The following KHDRBS2 variants were observed in gnomAD, a reference collection of about 807,000 sequenced individuals.
KHDRBS2 encodes the protein KH domain-containing, RNA-binding, signal transduction-associated protein 2.
A neutral mutation model predicts 44.3 loss-of-function variants in KHDRBS2; 26 were observed. That is an observed-to-expected ratio of 0.59 (90% confidence interval 0.43 to 0.81). KHDRBS2 has a LOEUF of 0.81. KHDRBS2 is among the 40% of genes least tolerant of loss of function. KHDRBS2 has a pLI of 0.00. For synonymous variants in KHDRBS2, 194 were observed against 151.1 expected (o/e 1.28, Z -2.08); for missense variants, 476 against 433.1 (o/e 1.10, Z -0.88).
At chr6:61,567,849 A>G in the KHDRBS2 span, among the ~76,000 whole-genome samples, 1 of 152,156 alleles carries the variant, frequency 6.6e-6, no homozygotes, top group South Asian at 2.1e-4. Flanking sequence ...ATACATTAAT[A>G]TAGTAGCCTT....
chr6:61,867,871 C>G (rs1042571978), intron 6 of KHDRBS2, among the ~76,000 whole-genome samples: 2 of 152,124 alleles, frequency 1.3e-5, no homozygotes, highest in Non-Finnish European at 2.9e-5. Flanking sequence ...CCAAACGTAC[C>G]TGTAGGAGGT....
At chr6:61,765,521 T>C (rs1388024144) in intron 6 of KHDRBS2, among the ~76,000 whole-genome samples, 1 of 152,152 alleles carries the variant, frequency 6.6e-6, no homozygotes, top group Non-Finnish European at 1.5e-5. Context: ...TTTTTATTTT[T>C]AATTTTTATG....
chr6:62,206,279 C>T (rs776237439), intron 1 of KHDRBS2, among the ~76,000 whole-genome samples: 15 of 152,046 alleles, frequency 9.9e-5, no homozygotes, highest in Non-Finnish European at 8.8e-5. Flanking sequence ...AATGTTTATG[C>T]ACAAACAGGT....
At chr6:61,702,612 A>C (rs1306673964) in intron 7 of KHDRBS2, among the ~76,000 whole-genome samples, 1 of 151,990 alleles carries the variant, frequency 6.6e-6, no homozygotes, top group Non-Finnish European at 1.5e-5. Flanking sequence ...GTATTTGAAC[A>C]TGAATAATCT....
intron 3 of KHDRBS2, among the ~76,000 whole-genome samples, chr6:62,015,289 G>A (rs879797570): frequency 6.6e-6 from 1 of 152,070 alleles, no homozygotes; most frequent in Non-Finnish European, 1.5e-5. Flanking sequence ...AGACACTGAA[G>A]TCTAATAATG....
At chr6:62,206,996 A>ATG (rs1299801396) in intron 1 of KHDRBS2, among the ~76,000 whole-genome samples, 1 of 152,096 alleles carries the variant, frequency 6.6e-6, no homozygotes, top group Non-Finnish European at 1.5e-5. Flanking sequence ...ATGCCTGCAG[A>ATG]TGTGTGTGTG....
intron 2 of KHDRBS2, among the ~76,000 whole-genome samples, chr6:62,165,399 A>G (rs1371987852): frequency 6.6e-6 from 1 of 150,756 alleles, no homozygotes; most frequent in African/African-American, 2.4e-5. Context: ...CACTTTTTCA[A>G]TAAATTATTT....
At chr6:61,637,064 G>C in the KHDRBS2 span, among the ~76,000 whole-genome samples, 1 of 151,766 alleles carries the variant, frequency 6.6e-6, no homozygotes, top group Non-Finnish European at 1.5e-5. Flanking sequence ...TTAAGTTGTA[G>C]GGTACATGTG....
chr6:61,955,196 A>G (rs1766415404), intron 4 of KHDRBS2, among the ~76,000 whole-genome samples: 1 of 145,290 alleles, frequency 6.9e-6, no homozygotes, highest in Non-Finnish European at 1.5e-5. Flanking sequence ...GTTTGTATGT[A>G]TACATATATA....
chr6:61,931,113 GA>G (rs558416043), intron 4 of KHDRBS2, among the ~76,000 whole-genome samples: 210 of 151,658 alleles, frequency 1.4e-3, no homozygotes, highest in African/African-American at 4.9e-3. Flanking sequence ...TCCTTATAAT[GA>G]AAAAAATACT....
chr6:61,679,685 CTGA>C (rs1300100681), downstream of KHDRBS2, among the ~76,000 whole-genome samples: 1 of 151,914 alleles, frequency 6.6e-6, no homozygotes, highest in Admixed American at 6.6e-5. Context: ...GCCAGTGACA[CTGA>C]TGATTTGTTT....
At chr6:62,097,478 A>C (rs1325824085) in intron 2 of KHDRBS2, among the ~76,000 whole-genome samples, 1 of 152,068 alleles carries the variant, frequency 6.6e-6, no homozygotes, top group South Asian at 2.1e-4. Context: ...TTATCTTTGT[A>C]GAATGACCTT....
chr6:62,059,430 T>G (rs1199231208), intron 2 of KHDRBS2, among the ~76,000 whole-genome samples: 1 of 151,260 alleles, frequency 6.6e-6, no homozygotes, highest in Non-Finnish European at 1.5e-5. Flanking sequence ...AGCAGAATGA[T>G]GACAACAGAA....
At chr6:61,844,169 A>C (rs1794029634) in intron 6 of KHDRBS2, among the ~76,000 whole-genome samples, 1 of 152,158 alleles carries the variant, frequency 6.6e-6, no homozygotes, top group East Asian at 1.9e-4. Flanking sequence ...TAAAGGCCTC[A>C]AATTACCATA....
chr6:62,027,358 A>G (rs1242180901), intron 3 of KHDRBS2, among the ~76,000 whole-genome samples: 1 of 152,150 alleles, frequency 6.6e-6, no homozygotes, highest in Non-Finnish European at 1.5e-5. Flanking sequence ...ATAGTAAGAA[A>G]TATATATTTG....
chr6:61,653,705 C>G, the KHDRBS2 span, among the ~76,000 whole-genome samples: 1 of 151,882 alleles, frequency 6.6e-6, no homozygotes, highest in African/African-American at 2.4e-5. Context: ...CAATGCTTCC[C>G]AGACAGTGAC....
At chr6:61,742,197 A>C (rs573750589) in intron 6 of KHDRBS2, among the ~76,000 whole-genome samples, 2 of 152,104 alleles carry the variant, frequency 1.3e-5, no homozygotes, top group Admixed American at 1.3e-4. Flanking sequence ...CAGGTCAGAT[A>C]GGAACTTAAC....
At chr6:61,792,983 A>G (rs538352679) in intron 6 of KHDRBS2, among the ~76,000 whole-genome samples, 3 of 152,054 alleles carry the variant, frequency 2.0e-5, no homozygotes, top group South Asian at 4.1e-4. Context: ...TAAGACCAGT[A>G]ATGCAGGGTT....
In KHDRBS2 at chr6:62,096,813, T is replaced by C. The variant is rs553473905; in HGVS notation, c.220-48819A>G. On this transcript the variant is annotated intron_variant, in intron 2 of 8. Coordinates refer to ENST00000281156, the MANE Select transcript of KHDRBS2 (RefSeq NM_152688.4). ...TTGAGCTGCAACATTAGGTTGTTTA[T>C]TTTATTTTATTTTTTTCTGATATAG... Among the ~76,000 whole-genome samples the C allele has an allele frequency of 5.3e-5, 8 of 151,942 alleles. No individual in the cohort carries two copies. In the South Asian group the frequency reaches 1.0e-3, roughly 20 times the overall value.
Sources: allele counts gnomAD v4.1 joint callset (sites outside exome capture counted in the v4.1 genomes callset), GRCh38; gene constraint gnomAD v4.1.1; transcripts MANE v1.5; gene names NCBI Gene and HGNC (gene_info 2026-07-23, HGNC 2026-07-21).